IP6K3: variants seen among roughly 807,000 people sequenced by gnomAD.
IP6K3 encodes inositol hexakisphosphate kinase 3, also known as ATP:1D-myo-inositol-hexakisphosphate phosphotransferase.
Under a neutral mutation model 28.8 loss-of-function variants are expected in IP6K3, and 20 were observed. That is an observed-to-expected ratio of 0.70 (90% CI 0.49 to 1.01). IP6K3 has a LOEUF of 1.01. Ranked by LOEUF, IP6K3 falls within the 50% of genes least tolerant of loss-of-function variation. The probability of loss-of-function intolerance (pLI) is 0.00; values close to 1 mark genes in which losing one functional copy is unlikely to be tolerated. For synonymous variants in IP6K3, 213 were observed against 221.3 expected (o/e 0.96, Z 0.33); for missense variants, 480 against 537.1 (o/e 0.89, Z 1.05).
Position 33,722,994 on chromosome 6 carries a change from C to A in IP6K3, c.959G>T (p.Arg320Leu), listed in dbSNP as rs890932904. 6.2e-7 allele frequency: 1 copy of A among 1,613,948 alleles called. No individual in the cohort carries two copies. ...GACAAGGAGAGAGCTGGAATAGAAG[C>A]GGTATGAACTCTGGCTCCTAATGAC... Reference protein sequence around the residue: ...LSVIRSQSSYRFYSSSLLVIY... With the variant: ...LSVIRSQSSYLFYSSSLLVIY... The change falls in exon 6 of 6, where the codon CGC (arginine) becomes CTC (leucine). Residue 320 changes from arginine (R) to leucine (L), a missense_variant. Transcript: ENST00000293756.
chr6:33,757,010 T>A, the IP6K3 span, among the ~76,000 whole-genome samples: 1 of 152,278 alleles, frequency 6.6e-6, no homozygotes, highest in Non-Finnish European at 1.5e-5. Context: ...TTCACTGCAC[T>A]GCTGCTCGCC....
intron 1 of IP6K3, among the ~76,000 whole-genome samples, chr6:33,743,584 G>A (rs1382438257): frequency 6.6e-6 from 1 of 152,118 alleles, no homozygotes; most frequent in Non-Finnish European, 1.5e-5. Flanking sequence ...TATTTTCCAG[G>A]GGGAAAAATG....
chr6:33,727,413 A>G (rs1766159182), intron 3 of IP6K3, among the ~76,000 whole-genome samples: 1 of 152,142 alleles, frequency 6.6e-6, no homozygotes, highest in Admixed American at 6.5e-5. Context: ...CCATCTGTGA[A>G]ATGGAGATAA....
rs1481166652 is a variant in IP6K3, at chr6:33,723,000, G to A, written c.953C>T (p.Ser318Leu). 2 of 1,614,108 alleles carry A rather than the reference G, an allele frequency of 1.2e-6. No individual in the cohort carries two copies. Among genetic ancestry groups the A allele is most frequent in the Admixed American group, 1.7e-5 (1 of 60,010 alleles). ...ALLSVIRSQSSYRFYSSSLLV... is the reference protein window; with the variant it reads ...ALLSVIRSQSLYRFYSSSLLV... ...GAGAGAGCTGGAATAGAAGCGGTAT[G>A]AACTCTGGCTCCTAATGACAGAGAG... Residue 318 changes from serine (S) to leucine (L), a missense_variant, in exon 6 of 6, where the codon TCA becomes TTA. Transcript: ENST00000293756.
chr6:33,757,076 C>T, the IP6K3 span, among the ~76,000 whole-genome samples: 8 of 152,254 alleles, frequency 5.3e-5, no homozygotes, highest in African/African-American at 1.9e-4. Context: ...GTGGAGGACA[C>T]CCTTATCCTC....
the IP6K3 span, among the ~76,000 whole-genome samples, chr6:33,761,940 T>C: frequency 2.0e-3 from 301 of 152,154 alleles, 1 homozygote; most frequent in African/African-American, 6.7e-3. Flanking sequence ...GGCAGCCTGC[T>C]GTGTGGCACT....
upstream of IP6K3, among the ~76,000 whole-genome samples, chr6:33,747,089 G>A (rs1766938840): frequency 6.6e-6 from 1 of 152,140 alleles, no homozygotes; most frequent in Non-Finnish European, 1.5e-5. This position sits in a 1 kb window ranked among gnomAD's most constrained non-coding sequence, Gnocchi z 5.2. Context: ...GAGGAAAGGA[G>A]GACTGGTCTG....
chr6:33,759,940 A>G, the IP6K3 span, among the ~76,000 whole-genome samples: 7 of 151,562 alleles, frequency 4.6e-5, no homozygotes, highest in Non-Finnish European at 8.8e-5. Context: ...ACCAATGTGG[A>G]CCCCCCACCT....
chr6:33,734,817 T>C (rs1278667058), intron 2 of IP6K3, among the ~76,000 whole-genome samples: 3 of 152,238 alleles, frequency 2.0e-5, no homozygotes, highest in Admixed American at 6.5e-5. Context: ...GCGGGAGTTC[T>C]GGCTTCCCAA....
At chr6:33,749,355 A>G (rs868065422), upstream of IP6K3, among the ~76,000 whole-genome samples, 18 of 152,104 alleles carry the variant, frequency 1.2e-4, no homozygotes, top group Admixed American at 2.0e-4. Flanking sequence ...GTAAACACAC[A>G]CAGGGCCCCA....
At chr6:33,737,499 A>G (rs577019447) in intron 1 of IP6K3, among the ~76,000 whole-genome samples, 1 of 152,320 alleles carries the variant, frequency 6.6e-6, no homozygotes, top group East Asian at 1.9e-4. Context: ...GGCCACGAGC[A>G]CAGCCAGCTG....
the IP6K3 span, among the ~76,000 whole-genome samples, chr6:33,754,123 A>C: frequency 2.7e-3 from 406 of 152,188 alleles, 2 homozygotes; most frequent in African/African-American, 8.8e-3. Flanking sequence ...ATTATTTTTA[A>C]TAACATGGAT....
intron 2 of IP6K3, among the ~76,000 whole-genome samples, chr6:33,731,038 G>A (rs1766304089): frequency 6.6e-6 from 1 of 152,216 alleles, no homozygotes; most frequent in East Asian, 1.9e-4. Flanking sequence ...CTTGGGGAAG[G>A]AGGATTGGAG....
At chr6:33,725,418 G>C (rs1257756208) in intron 5 of IP6K3, 23 bp downstream of exon 5, 9 of 1,595,570 alleles carry the variant, frequency 5.6e-6, no homozygotes, top group Non-Finnish European at 7.7e-6. Flanking sequence ...GTCCCCCCCT[G>C]TGGTGGGTCC....
chr6:33,752,436 G>T, the IP6K3 span, among the ~76,000 whole-genome samples: 1 of 152,240 alleles, frequency 6.6e-6, no homozygotes, highest in Non-Finnish European at 1.5e-5. Flanking sequence ...TCTCCCCAGG[G>T]CATGCCTGAG....
At chr6:33,761,301 G>A in the IP6K3 span, among the ~76,000 whole-genome samples, 31 of 152,066 alleles carry the variant, frequency 2.0e-4, no homozygotes, top group African/African-American at 7.2e-4. Context: ...TCTCTGCTGA[G>A]CCTTCAGCCC....
In IP6K3 at chr6:33,742,724, C is replaced by CA. The variant is rs1766771399; in HGVS notation, c.-180+4033dup. On this transcript the variant is annotated intron_variant, in intron 1 of 5. Transcript: ENST00000293756. The surrounding 1 kb of genome is among the most constrained non-coding windows in gnomAD (Gnocchi z 4.5). ...AGTTTTTGTCATCGTCTATTTTTCTCAATCAACAGATCCTAAAAGTATAAT... is the reference window on the plus strand; with the variant it reads ...AGTTTTTGTCATCGTCTATTTTTCTCAAATCAACAGATCCTAAAAGTATAAT... 6.6e-6 allele frequency among the ~76,000 whole-genome samples: 1 copy of CA among 152,152 alleles called. No individual in the cohort carries two copies. Among genetic ancestry groups the CA allele is most frequent in the Non-Finnish European group, 1.5e-5 (1 of 68,036 alleles).
At chr6:33,747,450 C>T (rs562561764), upstream of IP6K3, among the ~76,000 whole-genome samples, 3 of 152,302 alleles carry the variant, frequency 2.0e-5, no homozygotes, top group East Asian at 5.8e-4. This position sits in a 1 kb window ranked among gnomAD's most constrained non-coding sequence, Gnocchi z 5.2. Flanking sequence ...CAGGGGATTA[C>T]AGCTGGGGGG....
In IP6K3 at chr6:33,735,370, T is replaced by C. The variant is rs1197465221; in HGVS notation, c.107A>G (p.Glu36Gly). The change falls in exon 2 of 6, where the codon GAG (glutamate) becomes GGG (glycine). Residue 36 changes from glutamate (E) to glycine (G), a missense_variant. By Grantham distance (98) the Glu-to-Gly change is moderately conservative. Transcript: ENST00000293756. ...GGHMSVMKYD[E>G]HTVCKPLVSR... ...GACGAGGGGCTTGCACACCGTATGC[T>C]CGTCATACTTCATCACGCTCATGTG... 27 of 1,605,978 alleles carry C rather than the reference T, an allele frequency of 1.7e-5. No homozygotes were observed. Among genetic ancestry groups the C allele is most frequent in the Admixed American group, 6.7e-5 (4 of 59,262 alleles).
Sources: gnomAD v4.1 joint callset for allele counts (sites outside exome capture counted in the v4.1 genomes callset) on GRCh38, gnomAD v4.1.1 for gene constraint, Gnocchi (gnomAD v3.1) non-coding constraint, MANE v1.5 for transcripts, NCBI Gene and HGNC (gene_info 2026-07-23, HGNC 2026-07-21) for gene names.